Variants in STIP1 observed in about 807,000 individuals in gnomAD.
The protein encoded by STIP1 is stress induced phosphoprotein 1.
In STIP1, 16 loss-of-function variants were observed where a neutral mutation model predicts 77.4. That is an observed-to-expected ratio of 0.21 (90% CI 0.14 to 0.31). The LOEUF is 0.31. Ranked by LOEUF, STIP1 falls within the 10% of genes least tolerant of loss-of-function variation. The pLI, the probability that STIP1 is intolerant of heterozygous loss-of-function variation, is 1.00. For synonymous variants in STIP1, 258 were observed against 246.6 expected (o/e 1.05, Z -0.44); for missense variants, 524 against 684.8 (o/e 0.77, Z 2.62).
At chr11:64,199,006 T>G (rs1946183417) in intron 8 of STIP1, among the ~76,000 whole-genome samples, 1 of 149,358 alleles carries the variant, frequency 6.7e-6, no homozygotes, top group Non-Finnish European at 1.5e-5. Context: ...AAGACCAGCC[T>G]GGCCAGGATG....
At chr11:64,189,992 A>C (rs969683503) in intron 1 of STIP1, among the ~76,000 whole-genome samples, 1 of 147,558 alleles carries the variant, frequency 6.8e-6, no homozygotes, top group African/African-American at 2.5e-5. Flanking sequence ...GGATTCCAAA[A>C]TCATTTCTCT....
upstream of STIP1, chr11:64,186,013 G>A (rs1278411051): frequency 1.3e-6 from 2 of 1,544,268 alleles, no homozygotes; most frequent in Admixed American, 2.0e-5. Context: ...GAGGTGCGGG[G>A]GAGGCAGGGT....
chr11:64,196,296 T>C (rs11607144), intron 5 of STIP1, among the ~76,000 whole-genome samples: 24,648 of 149,330 alleles, frequency 0.17, 2,265 homozygotes, highest in Admixed American at 0.29. Context: ...CTCGGGAGGC[T>C]GAGGCAGAAG....
At chr11:64,190,365 C>T (rs969617817) in intron 1 of STIP1, among the ~76,000 whole-genome samples, 15 of 152,098 alleles carry the variant, frequency 9.9e-5, no homozygotes, top group Admixed American at 7.9e-4. Flanking sequence ...TTAGTAGAGA[C>T]GGGGTTTCTC....
At chr11:64,188,355 A>T (rs539911374) in intron 1 of STIP1, among the ~76,000 whole-genome samples, 3 of 151,338 alleles carry the variant, frequency 2.0e-5, no homozygotes, top group African/African-American at 7.3e-5. Context: ...AAAAAAAAAA[A>T]AAAAGAAAAG....
intron 7 of STIP1, 28 bp from the exon 8 acceptor site, chr11:64,197,826 G>A: frequency 1.9e-6 from 3 of 1,609,676 alleles, no homozygotes; most frequent in Non-Finnish European, 2.5e-6. Flanking sequence ...TCTGTCCTAA[G>A]CAGTCCTTGT....
Position 64,203,548 on chromosome 11 carries a change from G to A in STIP1, c.1485G>A (p.Val495=). The change falls in exon 13 of 14, where the codon GTG becomes GTA. Residue 495 remains valine (V), a synonymous_variant. Coordinates refer to ENST00000305218, the MANE Select transcript of STIP1 (RefSeq NM_006819.3). Reference sequence around the variant, plus strand: ...GACGAGCCATGGCCGACCCTGAGGTGCAGCAGATCATGAGTGACCCAGCCA... The same window carrying A: ...GACGAGCCATGGCCGACCCTGAGGTACAGCAGATCATGAGTGACCCAGCCA... ...VKRRAMADPE[V]QQIMSDPAMR... 2 of 1,614,234 alleles carry A rather than the reference G, an allele frequency of 1.2e-6. No individual in the cohort carries two copies. The highest frequency in any genetic ancestry group is 1.1e-5 in the South Asian group (1 of 91,090).
At chr11:64,186,840 A>T (rs1337758398) in intron 1 of STIP1, among the ~76,000 whole-genome samples, 2 of 152,210 alleles carry the variant, frequency 1.3e-5, no homozygotes, top group African/African-American at 4.8e-5. Flanking sequence ...TGAGAAGGTC[A>T]GGGTGGGAGA....
intron 1 of STIP1, among the ~76,000 whole-genome samples, chr11:64,190,032 ACT>A (rs1259905250): frequency 7.0e-6 from 1 of 142,794 alleles, no homozygotes; most frequent in Non-Finnish European, 1.5e-5. Context: ...ATAGAGTCTC[ACT>A]CTGTCCTCCA....
chr11:64,188,163 A>G (rs1261847342), intron 1 of STIP1, among the ~76,000 whole-genome samples: 4 of 152,054 alleles, frequency 2.6e-5, no homozygotes, highest in East Asian at 1.9e-4. Flanking sequence ...CCTGGCCAAC[A>G]TGGTGAAACC....
intron 1 of STIP1, 48 bp from the exon 2 acceptor site, chr11:64,193,030 G>A (rs1470426958): frequency 3.2e-6 from 5 of 1,575,666 alleles, no homozygotes; most frequent in Non-Finnish European, 4.4e-6. Context: ...TAAAGCTTGG[G>A]ATTAAATGGG....
chr11:64,186,037 C>G (rs1462756670), upstream of STIP1: 2 of 1,545,290 alleles, frequency 1.3e-6, no homozygotes, highest in African/African-American at 1.4e-5. Context: ...GGGAATTACT[C>G]CCCGCTGTCC....
At chr11:64,190,050 G>A (rs1946075026) in intron 1 of STIP1, among the ~76,000 whole-genome samples, 1 of 150,610 alleles carries the variant, frequency 6.6e-6, no homozygotes, top group African/African-American at 2.4e-5. Context: ...CTCCAGGTGA[G>A]AATGCAGTGG....
chr11:64,200,855 A>G (rs1253559687), intron 10 of STIP1, among the ~76,000 whole-genome samples: 2 of 151,900 alleles, frequency 1.3e-5, no homozygotes, highest in Non-Finnish European at 2.9e-5. Context: ...CCCACACTGG[A>G]GTGCCGTGGC....
upstream of STIP1, chr11:64,186,047 C>T: frequency 6.5e-7 from 1 of 1,546,008 alleles, no homozygotes. Flanking sequence ...CCCCGCTGTC[C>T]AATGAGAAGG....
At chr11:64,185,745 G>C, upstream of STIP1, 1 of 1,500,254 alleles carries the variant, frequency 6.7e-7, no homozygotes, top group Non-Finnish European at 8.9e-7. Flanking sequence ...TTGAAGGGCA[G>C]CGATTTAAAC....
chr11:64,186,898 G>A (rs2845597), intron 1 of STIP1, among the ~76,000 whole-genome samples: 50,699 of 152,048 alleles, frequency 0.33, 8,626 homozygotes, highest in Admixed American at 0.4. Flanking sequence ...TACCTGATGC[G>A]GGAAAGGGAA....
chr11:64,196,950 T>C, intron 5 of STIP1: 1 of 278,000 alleles, frequency 3.6e-6, no homozygotes, highest in Non-Finnish European at 6.9e-6. Context: ...GAATAAAGCC[T>C]GGTCCAAAAC....
chr11:64,192,963 TC>T lies in STIP1; in HGVS notation c.10-114del. 3 of 980,232 alleles carry T rather than the reference TC, an allele frequency of 3.1e-6. No homozygotes were observed. In the South Asian group the frequency reaches 4.5e-5, roughly 15 times the overall value. The allele number at this position is 980,232 out of a possible 1,614,324, so 60.7% of individuals were successfully genotyped here. ...AATGAACCGGTTTTCTCTCTTCTGA[TC>T]TGTAAAGTCACCTATTTATTTGTTG... On this transcript the variant is annotated intron_variant, in intron 1 of 13. Coordinates refer to ENST00000305218, the MANE Select transcript of STIP1 (RefSeq NM_006819.3).
Sources: gnomAD v4.1 joint callset for allele counts (sites outside exome capture counted in the v4.1 genomes callset) on GRCh38, gnomAD v4.1.1 for gene constraint, MANE v1.5 for transcripts, NCBI Gene and HGNC (gene_info 2026-07-23, HGNC 2026-07-21) for gene names.